Variants in RERG observed in about 807,000 individuals in gnomAD.
RERG encodes the protein ras-related and estrogen-regulated growth inhibitor.
Under a neutral mutation model 23.2 loss-of-function variants are expected in RERG, and 25 were observed. The observed-to-expected ratio is 1.08, with a 90% CI of 0.79 to 1.50. The LOEUF (loss-of-function observed/expected upper bound fraction) is 1.50, where lower values mean the gene tolerates loss of function less well. Among genes scored for constraint, RERG ranks in the 40% most tolerant of loss-of-function variants. The pLI, the probability that RERG is intolerant of heterozygous loss-of-function variation, is 0.00. For missense variants in RERG, 253 were observed against 250.1 expected (o/e 1.01, Z -0.08); for synonymous variants, 81 against 89.1 (o/e 0.91, Z 0.51).
At chr12:15,212,326 T>G (rs996114438) in intron 2 of RERG, among the ~76,000 whole-genome samples, 2 of 151,830 alleles carry the variant, frequency 1.3e-5, no homozygotes, top group South Asian at 4.2e-4. Context: ...CCCAAAGTGC[T>G]GGGATTACAG....
intron 3 of RERG, among the ~76,000 whole-genome samples, chr12:15,119,666 G>T (rs1863796814): frequency 6.6e-6 from 1 of 152,002 alleles, no homozygotes; most frequent in South Asian, 2.1e-4. Flanking sequence ...AAAATATGTT[G>T]AAAAATTTGG....
At chr12:15,195,853 T>C (rs1277393430) in intron 2 of RERG, among the ~76,000 whole-genome samples, 2 of 152,094 alleles carry the variant, frequency 1.3e-5, no homozygotes, top group African/African-American at 2.4e-5. Context: ...CTCCAATTCA[T>C]GACTTAAATC....
At chr12:15,189,628 C>G (rs558087032) in intron 2 of RERG, among the ~76,000 whole-genome samples, 2 of 152,192 alleles carry the variant, frequency 1.3e-5, no homozygotes, top group South Asian at 4.2e-4. Flanking sequence ...GTTTTTAAAG[C>G]TCTTTTGTTC....
intron 2 of RERG, among the ~76,000 whole-genome samples, chr12:15,193,274 T>C (rs1027858313): frequency 6.6e-6 from 1 of 152,202 alleles, no homozygotes; most frequent in Non-Finnish European, 1.5e-5. Flanking sequence ...ATCCATTTTA[T>C]CCCTTGAGTT....
At chr12:15,132,984 C>A (rs1222496279) in intron 2 of RERG, among the ~76,000 whole-genome samples, 3 of 145,794 alleles carry the variant, frequency 2.1e-5, no homozygotes, top group Admixed American at 1.4e-4. Flanking sequence ...CCTGCCCCCG[C>A]CCTGCCCCCC....
At chr12:15,141,026 A>G (rs1300438465) in intron 2 of RERG, among the ~76,000 whole-genome samples, 2 of 152,078 alleles carry the variant, frequency 1.3e-5, no homozygotes, top group East Asian at 3.8e-4. Context: ...TGGTATTCCA[A>G]CTATGTGTAC....
intron 2 of RERG, among the ~76,000 whole-genome samples, chr12:15,153,928 G>A (rs1864482199): frequency 6.6e-6 from 1 of 152,084 alleles, no homozygotes; most frequent in African/African-American, 2.4e-5. Context: ...TATGAAATGG[G>A]GAAATTTGGA....
At chr12:15,197,684 C>T (rs551087539) in intron 2 of RERG, among the ~76,000 whole-genome samples, 176 of 152,090 alleles carry the variant, frequency 1.2e-3, no homozygotes, top group Non-Finnish European at 2.2e-3. Flanking sequence ...CTTTATGGGC[C>T]CTCAAACCTA....
At chr12:15,180,948 G>A (rs930595055) in intron 2 of RERG, among the ~76,000 whole-genome samples, 1 of 152,182 alleles carries the variant, frequency 6.6e-6, no homozygotes, top group Non-Finnish European at 1.5e-5. Flanking sequence ...AATTCTTCTA[G>A]CATGTACAAA....
intron 3 of RERG, among the ~76,000 whole-genome samples, chr12:15,118,651 C>T (rs188116741): frequency 1.8e-4 from 28 of 152,198 alleles, no homozygotes. Context: ...CTTCGTGGTG[C>T]TGTCATCACA....
intron 3 of RERG, among the ~76,000 whole-genome samples, chr12:15,117,131 T>C (rs1863735789): frequency 7.3e-6 from 1 of 136,920 alleles, no homozygotes; most frequent in South Asian, 2.3e-4. Context: ...TTAATCTTTT[T>C]ACTGATTTAG....
chr12:15,150,924 T>C (rs1864430451), intron 2 of RERG, among the ~76,000 whole-genome samples: 1 of 152,246 alleles, frequency 6.6e-6, no homozygotes, highest in Non-Finnish European at 1.5e-5. Flanking sequence ...ATGGCTGCTA[T>C]TATTATTATG....
At chr12:15,147,954 T>C (rs958034971) in intron 2 of RERG, among the ~76,000 whole-genome samples, 3 of 152,158 alleles carry the variant, frequency 2.0e-5, no homozygotes, top group African/African-American at 7.2e-5. Context: ...AAATCTCGAA[T>C]CTCCACTTAC....
chr12:15,148,887 T>TTTTTTTTTTTTTTTTTTTTTTG (rs1156302513), intron 2 of RERG, among the ~76,000 whole-genome samples: 1 of 69,474 alleles, frequency 1.4e-5, no homozygotes, highest in African/African-American at 4.6e-5. Context: ...TTTTTTTTTT[T>TTTTTTTTTTTTTTTTTTTTTTG]AGACAGAGTC....
chr12:15,174,803 T>C (rs1187561129), intron 2 of RERG, among the ~76,000 whole-genome samples: 1 of 152,106 alleles, frequency 6.6e-6, no homozygotes, highest in Non-Finnish European at 1.5e-5. Context: ...AATTTCTATT[T>C]TGTTTTTTAT....
chr12:15,166,541 GTAGTGGTGTTGGTGGTGGTGT>G (rs1565526036), intron 2 of RERG, among the ~76,000 whole-genome samples: 1 of 134,162 alleles, frequency 7.5e-6, no homozygotes, highest in Non-Finnish European at 1.7e-5. Flanking sequence ...GGTGGTGGTG[GTAGTGGTGTTGGTGGTGGTGT>G]TGGTGGTGGT....
chr12:15,186,563 G>T (rs1591662666), intron 2 of RERG, among the ~76,000 whole-genome samples: 1 of 152,144 alleles, frequency 6.6e-6, no homozygotes, highest in African/African-American at 2.4e-5. Context: ...AGGAAGAGAA[G>T]AGGAGGAGGA....
intron 2 of RERG, among the ~76,000 whole-genome samples, chr12:15,122,825 C>A (rs1318190089): frequency 6.8e-6 from 1 of 148,108 alleles, no homozygotes; most frequent in South Asian, 2.2e-4. Flanking sequence ...TTTTTTGACA[C>A]TCTCCCTCTG....
intron 2 of RERG, among the ~76,000 whole-genome samples, chr12:15,140,023 C>T (rs1323667270): frequency 6.6e-6 from 1 of 152,134 alleles, no homozygotes; most frequent in East Asian, 1.9e-4. Flanking sequence ...TTGTCTCAAT[C>T]TTTCTTAAAT....
Sources: allele counts gnomAD v4.1 joint callset (sites outside exome capture counted in the v4.1 genomes callset), GRCh38; gene constraint gnomAD v4.1.1; transcripts MANE v1.5; gene names NCBI Gene and HGNC (gene_info 2026-07-23, HGNC 2026-07-21).